Variants in CSMD1 observed in about 807,000 individuals in gnomAD.
CSMD1 encodes the protein CUB and Sushi multiple domains 1, also known as CUB and sushi domain-containing protein 1.
In CSMD1, 213 loss-of-function variants were observed where a neutral mutation model predicts 417.5. The ratio of observed to expected loss-of-function variants is 0.51; its 90% CI spans 0.46 to 0.57. CSMD1 has a LOEUF of 0.57. Ranked by LOEUF, CSMD1 falls within the 20% of genes least tolerant of loss-of-function variation. The probability of loss-of-function intolerance (pLI) is 0.00; values close to 1 mark genes in which losing one functional copy is unlikely to be tolerated. For missense variants in CSMD1, 6,923 were observed against 4,529.7 expected (o/e 1.53, Z -15.17); for synonymous variants, 2,862 against 1,736.8 (o/e 1.65, Z -16.11).
chr8:3,974,873 T>C (rs1425569837), intron 5 of CSMD1, among the ~76,000 whole-genome samples: 6 of 152,250 alleles, frequency 3.9e-5, no homozygotes, highest in East Asian at 3.9e-4. Context: ...GTTATCATAA[T>C]TTAAGAATTT....
chr8:4,517,204 T>C (rs1156725215), intron 2 of CSMD1, among the ~76,000 whole-genome samples: 1 of 152,202 alleles, frequency 6.6e-6, no homozygotes, highest in South Asian at 2.1e-4. Context: ...TGAGACATAA[T>C]GATATCATAT....
chr8:4,572,806 C>T (rs544339729), intron 2 of CSMD1, among the ~76,000 whole-genome samples: 43 of 152,192 alleles, frequency 2.8e-4, no homozygotes, highest in African/African-American at 1.0e-3. Context: ...CTTGGAAGCT[C>T]TATTCTTTCC....
chr8:3,231,533 A>C (rs1329498024), intron 26 of CSMD1, among the ~76,000 whole-genome samples: 1 of 152,170 alleles, frequency 6.6e-6, no homozygotes, highest in East Asian at 1.9e-4. Flanking sequence ...CTACATATGG[A>C]TAGATAAATG....
chr8:4,960,604 C>T (rs937816420), intron 1 of CSMD1, among the ~76,000 whole-genome samples: 8 of 152,168 alleles, frequency 5.3e-5, no homozygotes, highest in Non-Finnish European at 7.4e-5. Flanking sequence ...CCAGTGCATA[C>T]ATACAGTCAT....
intron 7 of CSMD1, among the ~76,000 whole-genome samples, chr8:3,705,157 C>T (rs1302429427): frequency 2.0e-5 from 3 of 152,184 alleles, no homozygotes; most frequent in South Asian, 2.1e-4. Flanking sequence ...AGGGACAGGG[C>T]AGTGGCAGGG....
At chr8:3,721,243 AT>A (rs1038962590) in intron 6 of CSMD1, among the ~76,000 whole-genome samples, 14 of 151,816 alleles carry the variant, frequency 9.2e-5, no homozygotes, top group African/African-American at 2.2e-4. Context: ...AAATCCAATC[AT>A]TTTTTTTCCT....
intron 5 of CSMD1, among the ~76,000 whole-genome samples, chr8:3,956,795 G>A (rs1241812207): frequency 6.6e-6 from 1 of 152,094 alleles, no homozygotes; most frequent in African/African-American, 2.4e-5. Context: ...CGATTTAGGA[G>A]CTTGAAGGAC....
intron 1 of CSMD1, among the ~76,000 whole-genome samples, chr8:4,980,093 A>AT (rs965277473): frequency 3.3e-5 from 5 of 152,274 alleles, no homozygotes; most frequent in East Asian, 1.9e-4. Context: ...ACAACCATGC[A>AT]TTTTTTACCT....
At chr8:3,007,664 C>G in intron 52 of CSMD1, among the ~76,000 whole-genome samples, 1 of 150,424 alleles carries the variant, frequency 6.6e-6, no homozygotes, top group East Asian at 1.9e-4. Flanking sequence ...AGTAAACTAT[C>G]GCAAGAACAA....
At chr8:4,170,887 G>A (rs1230197068) in intron 3 of CSMD1, among the ~76,000 whole-genome samples, 4 of 151,830 alleles carry the variant, frequency 2.6e-5, no homozygotes, top group Non-Finnish European at 4.4e-5. Flanking sequence ...CCTGCAAAGT[G>A]CATTCAAATC....
chr8:3,493,547 T>C (rs1176344717), intron 11 of CSMD1, 76 bp downstream of exon 11: 2 of 1,242,950 alleles, frequency 1.6e-6, no homozygotes, highest in Non-Finnish European at 1.1e-6. Flanking sequence ...TACAAGCCTG[T>C]AGCAGAATCT....
At chr8:3,939,102 TGA>T (rs1810700715) in intron 5 of CSMD1, among the ~76,000 whole-genome samples, 2 of 152,100 alleles carry the variant, frequency 1.3e-5, no homozygotes, top group South Asian at 2.1e-4. Flanking sequence ...CATAAATTGT[TGA>T]GAGTTTATTG....
chr8:3,916,461 T>C (rs2688311), intron 5 of CSMD1, among the ~76,000 whole-genome samples: 4,399 of 152,288 alleles, frequency 0.029, 215 homozygotes, highest in African/African-American at 0.1. Flanking sequence ...ACATTACTTA[T>C]ACATAAAGGC....
In CSMD1 at chr8:3,042,417, A is replaced by C. The variant is rs563315074; in HGVS notation, c.7660+10045T>G. Among the ~76,000 whole-genome samples the C allele has an allele frequency of 1.4e-4, 21 of 152,190 alleles. No individual in the cohort carries two copies. The South Asian group carries it at 4.2e-3, about 30-fold the overall frequency. On this transcript the variant is annotated intron_variant, in intron 50 of 69. Transcript: ENST00000635120. ...CAGAGACATTTCCTTTTATCACCTT[A>C]ATAGGTATTTTCTAAATGTATTTAT...
At chr8:3,629,381 G>A (rs1350665125) in intron 7 of CSMD1, among the ~76,000 whole-genome samples, 2 of 152,092 alleles carry the variant, frequency 1.3e-5, no homozygotes, top group African/African-American at 4.8e-5. Flanking sequence ...TGTGTATTTA[G>A]TTACATATAG....
chr8:3,703,632 A>G (rs1484720825), intron 7 of CSMD1, among the ~76,000 whole-genome samples: 1 of 152,130 alleles, frequency 6.6e-6, no homozygotes, highest in Admixed American at 6.5e-5. Context: ...TGGTAGAAAA[A>G]TTTCACTGGC....
At chr8:3,084,897 T>G (rs1048969723) in intron 49 of CSMD1, among the ~76,000 whole-genome samples, 5 of 150,726 alleles carry the variant, frequency 3.3e-5, no homozygotes, top group South Asian at 2.1e-4. Context: ...TTTGCTACAT[T>G]TTGTTTTGTT....
At chr8:3,240,444 G>C (rs1431204163) in intron 26 of CSMD1, among the ~76,000 whole-genome samples, 2 of 151,776 alleles carry the variant, frequency 1.3e-5, no homozygotes, top group Non-Finnish European at 2.9e-5. Flanking sequence ...TGTTTTATAG[G>C]TGTTGGGGTT....
At chr8:3,629,647 A>C (rs1166874467) in intron 7 of CSMD1, among the ~76,000 whole-genome samples, 2 of 152,316 alleles carry the variant, frequency 1.3e-5, no homozygotes, top group African/African-American at 4.8e-5. Context: ...TATTTTATCA[A>C]GGAATGTTAT....
Sources: allele counts gnomAD v4.1 joint callset (sites outside exome capture counted in the v4.1 genomes callset), GRCh38; gene constraint gnomAD v4.1.1; transcripts MANE v1.5; gene names NCBI Gene and HGNC (gene_info 2026-07-23, HGNC 2026-07-21).